Variants in SLC5A5 observed in about 807,000 individuals in gnomAD.
SLC5A5 encodes the protein solute carrier family 5 member 5, also known as sodium/iodide cotransporter.
In SLC5A5, 56 loss-of-function variants were observed where a neutral mutation model predicts 68.6. The observed-to-expected ratio is 0.82, with a 90% confidence interval of 0.66 to 1.02. The LOEUF is 1.02. Among genes scored for constraint, SLC5A5 ranks in the 50% least tolerant of loss-of-function variants. The pLI, the probability that SLC5A5 is intolerant of heterozygous loss-of-function variation, is 0.00. For missense variants in SLC5A5, 807 were observed against 859.8 expected, an observed-to-expected ratio of 0.94 and a Z score of 0.77; for synonymous variants, 398 against 373.0, an observed-to-expected ratio of 1.07 and a Z score of -0.77.
intron 14 of SLC5A5, 78 bp downstream of exon 14, chr19:17,891,079 A>G (rs889937866): frequency 2.2e-5 from 19 of 871,694 alleles, no homozygotes; most frequent in African/African-American, 4.9e-5. Flanking sequence ...GGGGAGGGAC[A>G]TGGTATATCA....
chr19:17,884,074 C>G, intron 12 of SLC5A5, 28 bp downstream of exon 12: 2 of 1,525,968 alleles, frequency 1.3e-6, no homozygotes, highest in Non-Finnish European at 1.8e-6. Flanking sequence ...TAGGGGGGTA[C>G]CCGAGCCCTG....
chr19:17,892,020 G>A (rs544565797), intron 14 of SLC5A5, among the ~76,000 whole-genome samples: 4 of 152,260 alleles, frequency 2.6e-5, no homozygotes, highest in Non-Finnish European at 4.4e-5. Context: ...CTGTCAGGCC[G>A]GGCACGGTAG....
rs376791080 is a variant in SLC5A5 at position 17,877,691 on chromosome 19, C to T, written c.699-32C>T. The T allele has an allele frequency of 1.2e-5, 19 of 1,613,234 alleles. No homozygotes were observed. In the African/African-American group the frequency reaches 2.0e-4, roughly 17 times the overall value. On this transcript the variant is annotated intron_variant, in intron 5 of 14. Coordinates refer to ENST00000222248, the MANE Select transcript of SLC5A5 (RefSeq NM_000453.3). ...GGAGGGTGAAGTCAGCGTGACATCT[C>T]CACGTGGCTAACTTGCCCTGTCCCC...
chr19:17,875,825 G>A, intron 4 of SLC5A5, 127 bp from the exon 5 acceptor site: 1 of 801,048 alleles, frequency 1.2e-6, no homozygotes, highest in Non-Finnish European at 2.1e-6. Flanking sequence ...CAGTAAGAAG[G>A]TATTATTATT....
chr19:17,884,137 C>A (rs894596027), intron 12 of SLC5A5, 91 bp downstream of exon 12: 53 of 1,167,662 alleles, frequency 4.5e-5, no homozygotes, highest in Non-Finnish European at 6.3e-5. Flanking sequence ...GTGTAAGAAG[C>A]CTGATTAGTA....
chr19:17,873,177 G>T (rs767975760), intron 1 of SLC5A5, among the ~76,000 whole-genome samples: 4 of 152,216 alleles, frequency 2.6e-5, no homozygotes, highest in Non-Finnish European at 5.9e-5. Context: ...AATCGTGACC[G>T]GGGCCCGGTG....
intron 7 of SLC5A5, among the ~76,000 whole-genome samples, chr19:17,879,080 G>C (rs957507124): frequency 6.6e-6 from 1 of 151,410 alleles, no homozygotes; most frequent in Non-Finnish European, 1.5e-5. Flanking sequence ...ATCACCTGAG[G>C]TCATGAGTTG....
chr19:17,877,783 G>A lies in SLC5A5; in HGVS notation c.759G>A (p.Leu253=). 1 of 1,614,232 alleles carries A rather than the reference G, an allele frequency of 6.2e-7. No individual in the cohort carries two copies. ...TFWTFVVGGT[L]VWLSMYGVNQ... ...GGACTTTTGTGGTGGGTGGCACGTT[G>A]GTGTGGCTCTCCATGTATGGCGTGA... Residue 253 remains leucine (L), a synonymous_variant, in exon 6 of 15, where the codon TTG becomes TTA. Transcript: ENST00000222248.
In SLC5A5 at chr19:17,872,346, G is replaced by A. The variant is rs1388371273; in HGVS notation, c.27G>A (p.Arg9=). 6.3e-7 allele frequency: 1 copy of A among 1,584,214 alleles called. No homozygotes were observed. Among genetic ancestry groups the A allele is most frequent in the East Asian group, 2.3e-5 (1 of 43,840 alleles). MEAVETGE[R]PTFGAWDYGV... is the part of the protein sequence containing the mutation. ...TGGAGGCCGTGGAGACCGGGGAACG[G>A]CCCACCTTCGGAGCCTGGGACTACG... Residue 9 remains arginine, a synonymous_variant, in exon 1 of 15, where the codon CGG becomes CGA. Coordinates refer to ENST00000222248, the MANE Select transcript of SLC5A5 (RefSeq NM_000453.3).
chr19:17,878,927 A>C (rs2094313914), intron 7 of SLC5A5, among the ~76,000 whole-genome samples: 1 of 138,906 alleles, frequency 7.2e-6, no homozygotes. Flanking sequence ...GTGAGCAGAG[A>C]TCGCGCCATT....
rs752151873 is a variant in SLC5A5 at position 17,877,771 on chromosome 19, G to C, written c.747G>C (p.Val249=). The stretch of plus-strand genomic sequence containing the variant: ...GCTATACATTCTGGACTTTTGTGGT[G>C]GGTGGCACGTTGGTGTGGCTCTCCA... ...RSRYTFWTFV[V]GGTLVWLSMY... Residue 249 remains valine, a synonymous_variant, in exon 6 of 15, where the codon GTG becomes GTC. Transcript: ENST00000222248. The C allele has an allele frequency of 1.9e-6, 3 of 1,614,122 alleles. No homozygotes were observed. The African/African-American group carries it at 4.0e-5, about 22-fold the overall frequency.
In SLC5A5 at chr19:17,872,678, T is replaced by A; in HGVS notation, c.357+2T>A. 1 of 1,567,628 alleles carries A rather than the reference T, an allele frequency of 6.4e-7. No individual in the cohort carries two copies. Among genetic ancestry groups the A allele is most frequent in the Non-Finnish European group, 8.7e-7 (1 of 1,144,098 alleles). On this transcript the variant is annotated splice_donor_variant, in intron 1 of 14. Coordinates refer to ENST00000222248, the MANE Select transcript of SLC5A5 (RefSeq NM_000453.3). LOFTEE classifies it high-confidence loss of function. ...CTGGGCCTCACCAGCACCTACGAGG[T>A]ACCGGACAGAGGCCCGGGGGTAGGA...
chr19:17,875,338 C>G (rs2147730791), intron 4 of SLC5A5, among the ~76,000 whole-genome samples: 1 of 151,926 alleles, frequency 6.6e-6, no homozygotes, highest in South Asian at 2.1e-4. Context: ...CCATTGCACT[C>G]CAGCCTGGGC....
In SLC5A5 at chr19:17,894,193, G is replaced by C; in HGVS notation, c.*316G>C. ...GACAGGGTCATGCTCTGTCACCCAG[G>C]CTGGAGTGCAGTGGTGTGATCTCGG... is the stretch of plus-strand genomic sequence containing the variant. On this transcript the variant is annotated 3_prime_UTR_variant, in exon 15 of 15. Transcript: ENST00000222248. The C allele has an allele frequency of 3.1e-6, 1 of 322,164 alleles. No individual in the cohort carries two copies. Among genetic ancestry groups the C allele is most frequent in the South Asian group, 2.7e-5 (1 of 36,634 alleles). The allele number at this position is 322,164 out of a possible 1,614,324, so 20.0% of individuals were successfully genotyped here.
intron 7 of SLC5A5, among the ~76,000 whole-genome samples, chr19:17,880,343 T>C (rs1207482756): frequency 6.6e-6 from 1 of 151,846 alleles, no homozygotes; most frequent in Non-Finnish European, 1.5e-5. Flanking sequence ...GCCTCCCAAG[T>C]AGCTGGGACT....
In SLC5A5 at chr19:17,872,634, C is replaced by T; in HGVS notation, c.315C>T (p.Phe105=). 1 of 1,610,952 alleles carries T rather than the reference C, an allele frequency of 6.2e-7. No homozygotes were observed. Among genetic ancestry groups the T allele is most frequent in the Non-Finnish European group, 8.5e-7 (1 of 1,179,392 alleles). The change falls in exon 1 of 15, where the codon TTC becomes TTT. Residue 105 remains phenylalanine (F), a synonymous_variant. Transcript: ENST00000222248. ...LLNSVLTALL[F]MPVFYRLGLT... ...ACTCGGTCCTCACCGCCCTGCTCTT[C>T]ATGCCCGTCTTCTACCGCCTGGGCC...
chr19:17,872,234 C>CCCCA lies in SLC5A5; in HGVS notation c.-86_-85insCCCA. 7.4e-6 allele frequency: 5 copies of CCCCA among 671,678 alleles called. No homozygotes were observed. Among genetic ancestry groups the CCCCA allele is most frequent in the Middle Eastern group, 4.2e-4 (1 of 2,396 alleles). 41.6% of individuals were successfully genotyped at this position (671,678 alleles called of 1,614,324 possible). ...CGAGCATCCTCCCACCCGCCCTCCC[C>CCCCA]GTCCTGCCTCCTCGGCCCCTGCCAG... On this transcript the variant is annotated 5_prime_UTR_variant, in exon 1 of 15. Coordinates refer to ENST00000222248, the MANE Select transcript of SLC5A5 (RefSeq NM_000453.3).
intron 10 of SLC5A5, among the ~76,000 whole-genome samples, 159 bp from the exon 11 acceptor site, chr19:17,883,522 A>AGGG (rs1555753687): frequency 2.8e-5 from 4 of 143,328 alleles, no homozygotes; most frequent in African/African-American, 1.0e-4. Context: ...GGCAGGAACA[A>AGGG]GGGGGGGGGG....
At chr19:17,881,593 G>T (rs1398516464) in intron 8 of SLC5A5, among the ~76,000 whole-genome samples, 2 of 152,176 alleles carry the variant, frequency 1.3e-5, no homozygotes, top group Non-Finnish European at 2.9e-5. Flanking sequence ...AAACCCTGGG[G>T]CACAGCCATG....
Sources: allele counts gnomAD v4.1 joint callset (sites outside exome capture counted in the v4.1 genomes callset), GRCh38; gene constraint gnomAD v4.1.1; transcripts MANE v1.5; gene names NCBI Gene and HGNC (gene_info 2026-07-23, HGNC 2026-07-21).